The following NRXN1 variants were observed in gnomAD, a reference collection of about 807,000 sequenced individuals.
NRXN1 encodes neurexin-1.
In NRXN1, 39 loss-of-function variants were observed where a neutral mutation model predicts 150.9. That is an observed-to-expected ratio of 0.26 (90% CI 0.20 to 0.34). The LOEUF (loss-of-function observed/expected upper bound fraction) is 0.34, where lower values mean the gene tolerates loss of function less well. Among genes scored for constraint, NRXN1 ranks in the 10% least tolerant of loss-of-function variants. The pLI, the probability that NRXN1 is intolerant of heterozygous loss-of-function variation, is 1.00. For synonymous variants in NRXN1, 924 were observed against 757.0 expected, an observed-to-expected ratio of 1.22 and a Z score of -3.62; for missense variants, 1,815 against 1,949.9, an observed-to-expected ratio of 0.93 and a Z score of 1.30.
intron 19 of NRXN1, among the ~76,000 whole-genome samples, chr2:50,077,723 T>C (rs1697316741): frequency 6.6e-6 from 1 of 152,152 alleles, no homozygotes; most frequent in South Asian, 2.1e-4. Context: ...TCATAAATCC[T>C]GCTAAAATAC....
intron 21 of NRXN1, among the ~76,000 whole-genome samples, chr2:50,052,037 C>T (rs1692793330): frequency 6.6e-6 from 1 of 152,002 alleles, no homozygotes; most frequent in African/African-American, 2.4e-5. Context: ...TTCATCTATT[C>T]TGTTCCTCTC....
At chr2:50,479,401 C>T (rs2090256410) in intron 15 of NRXN1, among the ~76,000 whole-genome samples, 1 of 152,168 alleles carries the variant, frequency 6.6e-6, no homozygotes, top group Non-Finnish European at 1.5e-5. Context: ...GTTTCCTTAG[C>T]CACAGATAAA....
At chr2:50,194,127 T>C (rs955060858) in intron 18 of NRXN1, among the ~76,000 whole-genome samples, 2 of 152,170 alleles carry the variant, frequency 1.3e-5, no homozygotes, top group African/African-American at 4.8e-5. Context: ...GGTGGTCTGG[T>C]TCTGATTACA....
chr2:50,165,097 A>G (rs1332877622), intron 18 of NRXN1, among the ~76,000 whole-genome samples: 1 of 152,000 alleles, frequency 6.6e-6, no homozygotes, highest in South Asian at 2.1e-4. Flanking sequence ...GATCCTCACA[A>G]CCCCCTGAGG....
intron 21 of NRXN1, among the ~76,000 whole-genome samples, chr2:50,039,741 A>C (rs1690631736): frequency 6.6e-6 from 1 of 152,202 alleles, no homozygotes; most frequent in Non-Finnish European, 1.5e-5. Flanking sequence ...GGAATTTAAA[A>C]TGATGATATA....
intron 5 of NRXN1, among the ~76,000 whole-genome samples, chr2:50,646,708 C>CTTTTTTTTTTTTTTTTTT (rs552231598): frequency 1.9e-5 from 2 of 107,434 alleles, no homozygotes; most frequent in Non-Finnish European, 3.7e-5. Context: ...TTCATGTTGT[C>CTTTTTTTTTTTTTTTTTT]TTTTTTTTTT....
chr2:50,382,862 C>T (rs1399905864), intron 17 of NRXN1, among the ~76,000 whole-genome samples: 1 of 152,146 alleles, frequency 6.6e-6, no homozygotes, highest in African/African-American at 2.4e-5. Flanking sequence ...GAAGACCAGG[C>T]TAACTCAGAG....
chr2:50,910,062 CA>C (rs964017392), intron 5 of NRXN1, among the ~76,000 whole-genome samples: 2 of 150,346 alleles, frequency 1.3e-5, no homozygotes, highest in East Asian at 2.0e-4. Context: ...TAAAATGAAA[CA>C]AAAAAAATGT....
intron 2 of NRXN1, among the ~76,000 whole-genome samples, chr2:51,004,839 T>C (rs900539196): frequency 1.3e-5 from 2 of 151,766 alleles, no homozygotes; most frequent in African/African-American, 2.4e-5. Flanking sequence ...AAGTTTGAAA[T>C]AGAAAGAAAA....
intron 5 of NRXN1, among the ~76,000 whole-genome samples, chr2:50,731,741 G>T (rs1417423321): frequency 6.6e-6 from 1 of 152,140 alleles, no homozygotes; most frequent in East Asian, 1.9e-4. Context: ...CAAAATTAGA[G>T]AATTTTTCAT....
At chr2:50,351,219 T>C (rs183703875) in intron 17 of NRXN1, among the ~76,000 whole-genome samples, 241 of 152,304 alleles carry the variant, frequency 1.6e-3, no homozygotes, top group Non-Finnish European at 2.7e-3. Context: ...ACATGGTTTT[T>C]GGCTAACTGT....
chr2:50,877,432 T>G (rs1174425568), intron 5 of NRXN1, among the ~76,000 whole-genome samples: 1 of 151,884 alleles, frequency 6.6e-6, no homozygotes, highest in African/African-American at 2.4e-5. Flanking sequence ...AGACTTTTTC[T>G]CTGCCTGCTC....
intron 17 of NRXN1, among the ~76,000 whole-genome samples, chr2:50,263,870 C>G (rs114949247): frequency 6.6e-6 from 1 of 152,006 alleles, no homozygotes; most frequent in Non-Finnish European, 1.5e-5. Flanking sequence ...TGGCTTGGGA[C>G]CAGCATAGAC....
chr2:50,844,859 AT>A (rs34975364), intron 5 of NRXN1, among the ~76,000 whole-genome samples: 64,161 of 148,564 alleles, frequency 0.43, 15,414 homozygotes, highest in Non-Finnish European at 0.58. Flanking sequence ...TCAGCTAATC[AT>A]TTTTTTTTTT....
intron 18 of NRXN1, among the ~76,000 whole-genome samples, chr2:50,115,429 G>A (rs889317197): frequency 2.6e-5 from 4 of 151,654 alleles, no homozygotes; most frequent in South Asian, 2.1e-4. Flanking sequence ...TGGAATGATC[G>A]AAACAATGTA....
intron 2 of NRXN1, among the ~76,000 whole-genome samples, chr2:50,933,014 C>A (rs1325125133): frequency 6.6e-6 from 1 of 151,788 alleles, no homozygotes; most frequent in South Asian, 2.1e-4. Context: ...TAGATTGTTA[C>A]AATAAATTGC....
intron 15 of NRXN1, among the ~76,000 whole-genome samples, chr2:50,493,518 T>A (rs1440839194): frequency 6.6e-6 from 1 of 152,180 alleles, no homozygotes; most frequent in Non-Finnish European, 1.5e-5. Flanking sequence ...AACCCTGTTG[T>A]CCTCTTTCCA....
At chr2:50,385,075 C>CT (rs1325168945) in intron 17 of NRXN1, among the ~76,000 whole-genome samples, 6 of 152,332 alleles carry the variant, frequency 3.9e-5, no homozygotes, top group Admixed American at 2.6e-4. Flanking sequence ...AATGTAAATA[C>CT]TAATTGTTTT....
chr2:50,270,225 G>A (rs1254881405), intron 17 of NRXN1, among the ~76,000 whole-genome samples: 1 of 152,126 alleles, frequency 6.6e-6, no homozygotes, highest in African/African-American at 2.4e-5. Context: ...GTCACCATGA[G>A]CCTCTTATTT....
Sources: allele counts gnomAD v4.1 joint callset (sites outside exome capture counted in the v4.1 genomes callset), GRCh38; gene constraint gnomAD v4.1.1; transcripts MANE v1.5; gene names NCBI Gene and HGNC (gene_info 2026-07-23, HGNC 2026-07-21).